Variants in KCNMB2 observed in about 807,000 individuals in gnomAD.
KCNMB2 encodes the protein potassium calcium-activated channel subfamily M regulatory beta subunit 2.
Under a neutral mutation model 24.5 loss-of-function variants are expected in KCNMB2, and 9 were observed. The observed-to-expected ratio is 0.37, with a 90% CI of 0.22 to 0.64. KCNMB2 has a LOEUF of 0.64. Ranked by LOEUF, KCNMB2 falls within the 30% of genes least tolerant of loss-of-function variation. The pLI is 0.63. For synonymous variants in KCNMB2, 109 were observed against 104.4 expected, an observed-to-expected ratio of 1.04 and a Z score of -0.27; for missense variants, 226 against 284.3, an observed-to-expected ratio of 0.79 and a Z score of 1.47.
At chr3:178,791,811 G>A (rs1713333426) in intron 1 of KCNMB2, among the ~76,000 whole-genome samples, 1 of 150,732 alleles carries the variant, frequency 6.6e-6, no homozygotes, top group South Asian at 2.1e-4. Flanking sequence ...AACCTTTCAG[G>A]CCAGGAGAGG....
chr3:178,572,488 T>C (rs1232034839), intron 1 of KCNMB2, among the ~76,000 whole-genome samples: 1 of 152,238 alleles, frequency 6.6e-6, no homozygotes, highest in Non-Finnish European at 1.5e-5. Flanking sequence ...TATAAAAATA[T>C]AGTTGTTTAG....
At chr3:178,765,286 C>T (rs12629821) in intron 1 of KCNMB2, among the ~76,000 whole-genome samples, 21,301 of 152,170 alleles carry the variant, frequency 0.14, 1,838 homozygotes, top group Admixed American at 0.18. Context: ...CAACCACCCA[C>T]TAAAAAAGAT....
intron 1 of KCNMB2, among the ~76,000 whole-genome samples, chr3:178,768,804 T>C (rs775181011): frequency 6.6e-6 from 1 of 152,082 alleles, no homozygotes; most frequent in Non-Finnish European, 1.5e-5. Context: ...ACAATAAAAG[T>C]AATAAAAAGA....
intron 1 of KCNMB2, among the ~76,000 whole-genome samples, chr3:178,554,182 T>A (rs141175173): frequency 5.9e-5 from 9 of 152,302 alleles, no homozygotes; most frequent in Admixed American, 4.6e-4. Context: ...TAACAAGTGT[T>A]AAGGCCTAAT....
At chr3:178,541,002 T>C (rs1225123887) in intron 1 of KCNMB2, among the ~76,000 whole-genome samples, 1 of 152,170 alleles carries the variant, frequency 6.6e-6, no homozygotes, top group Non-Finnish European at 1.5e-5. Context: ...AATGTGGTAA[T>C]TAAATGTTTT....
At chr3:178,794,198 C>T (rs1285466627) in intron 1 of KCNMB2, among the ~76,000 whole-genome samples, 2 of 152,182 alleles carry the variant, frequency 1.3e-5, no homozygotes, top group Non-Finnish European at 2.9e-5. Flanking sequence ...TGGCCCTTCA[C>T]ACGTCTGCTC....
rs66694279 is a variant in KCNMB2 at position 178,771,473 on chromosome 3, C to CTTTTT, written c.-67-35848_-67-35844dup. On this transcript the variant is annotated intron_variant, in intron 1 of 4. Coordinates refer to ENST00000452583, the MANE Select transcript of KCNMB2 (RefSeq NM_181361.3). ...TGACTTTCTTTTTCTTTCTTTCTTT[C>CTTTTT]TTTTTTTTTTTTTTTTTTTTTTTTT... Among the ~76,000 whole-genome samples, 523 of 87,558 alleles carry CTTTTT rather than the reference C, an allele frequency of 6.0e-3. 4 individuals carry two copies. Among genetic ancestry groups the CTTTTT allele is most frequent in the African/African-American group, 8.6e-3 (175 of 20,462 alleles). 57.4% of individuals were successfully genotyped at this position (87,558 alleles called of 152,430 possible). A position where few individuals can be genotyped will look rare whatever the true frequency, so the allele number is the denominator to read the frequency against.
At chr3:178,827,906 T>C (rs1714895607) in intron 3 of KCNMB2, among the ~76,000 whole-genome samples, 1 of 152,108 alleles carries the variant, frequency 6.6e-6, no homozygotes, top group Non-Finnish European at 1.5e-5. Context: ...GTGAGTTCCA[T>C]AAGGGAAAAA....
intron 4 of KCNMB2, among the ~76,000 whole-genome samples, chr3:178,838,916 A>T (rs1464041205): frequency 6.6e-6 from 1 of 152,194 alleles, no homozygotes; most frequent in Admixed American, 6.5e-5. Context: ...TAAAAAAAAT[A>T]AGTTTATTAG....
At chr3:178,563,113 T>C (rs1267441830) in intron 1 of KCNMB2, among the ~76,000 whole-genome samples, 1 of 152,184 alleles carries the variant, frequency 6.6e-6, no homozygotes, top group Non-Finnish European at 1.5e-5. Flanking sequence ...TGGGATCCTT[T>C]AATTTGAAAA....
At chr3:178,611,587 C>A (rs1345196717) in intron 1 of KCNMB2, among the ~76,000 whole-genome samples, 1 of 152,056 alleles carries the variant, frequency 6.6e-6, no homozygotes, top group Non-Finnish European at 1.5e-5. Flanking sequence ...TGCCTGTAGT[C>A]CCAGCTATTC....
intron 1 of KCNMB2, among the ~76,000 whole-genome samples, chr3:178,682,915 C>A (rs1409709052): frequency 6.6e-6 from 1 of 152,124 alleles, no homozygotes; most frequent in African/African-American, 2.4e-5. Context: ...TGCCTATACA[C>A]TGTTGGTGGG....
At chr3:178,635,761 C>T (rs1184125661) in intron 1 of KCNMB2, among the ~76,000 whole-genome samples, 1 of 152,156 alleles carries the variant, frequency 6.6e-6, no homozygotes, top group Non-Finnish European at 1.5e-5. Flanking sequence ...TATATGGTGA[C>T]ATTTAAGAAT....
chr3:178,655,938 G>A (rs374000420), intron 1 of KCNMB2, among the ~76,000 whole-genome samples: 42 of 152,276 alleles, frequency 2.8e-4, no homozygotes, highest in African/African-American at 7.9e-4. Context: ...TTCTTTTACC[G>A]GGGATGGAAC....
intron 1 of KCNMB2, among the ~76,000 whole-genome samples, chr3:178,614,781 T>C (rs1389239370): frequency 6.6e-6 from 1 of 152,216 alleles, no homozygotes; most frequent in African/African-American, 2.4e-5. Flanking sequence ...TGGTGACTTA[T>C]TTAGTTCATT....
intron 1 of KCNMB2, among the ~76,000 whole-genome samples, chr3:178,680,058 G>T (rs1442524216): frequency 6.6e-6 from 1 of 151,946 alleles, no homozygotes; most frequent in East Asian, 1.9e-4. Context: ...GGTTGTTAGT[G>T]GACAACTTTC....
chr3:178,713,675 C>A (rs1722525336), intron 1 of KCNMB2, among the ~76,000 whole-genome samples: 1 of 152,166 alleles, frequency 6.6e-6, no homozygotes, highest in African/African-American at 2.4e-5. Context: ...AAGGTATGGT[C>A]TCTGCCCCAA....
chr3:178,556,402 T>A (rs1285209433), intron 1 of KCNMB2, among the ~76,000 whole-genome samples: 1 of 152,108 alleles, frequency 6.6e-6, no homozygotes, highest in Non-Finnish European at 1.5e-5. Context: ...ATAGTTGGGT[T>A]TTTTTGTTGT....
intron 1 of KCNMB2, among the ~76,000 whole-genome samples, chr3:178,781,136 A>C (rs1489028878): frequency 2.6e-5 from 4 of 152,074 alleles, no homozygotes; most frequent in African/African-American, 4.8e-5. Flanking sequence ...AAAATATATT[A>C]TTAGAATTAA....
Sources: allele counts gnomAD v4.1 joint callset (sites outside exome capture counted in the v4.1 genomes callset), GRCh38; gene constraint gnomAD v4.1.1; transcripts MANE v1.5; gene names NCBI Gene and HGNC (gene_info 2026-07-23, HGNC 2026-07-21).